Variants in KLHL2 observed in about 807,000 individuals in gnomAD.
KLHL2 encodes kelch like family member 2, also known as kelch-like protein 2.
KLHL2 carries 15 observed loss-of-function variants against 75.8 expected under a neutral mutation model. That is an observed-to-expected ratio of 0.20 (90% CI 0.13 to 0.30). The LOEUF is 0.30. KLHL2 is among the 10% of genes least tolerant of loss of function. The pLI is 1.00. For missense variants in KLHL2, 381 were observed against 741.0 expected (o/e 0.51, Z 5.64); for synonymous variants, 214 against 251.9 (o/e 0.85, Z 1.42).
At chr4:165,262,389 A>T (rs1408844782) in intron 4 of KLHL2, among the ~76,000 whole-genome samples, 1 of 152,214 alleles carries the variant, frequency 6.6e-6, no homozygotes, top group Non-Finnish European at 1.5e-5. Context: ...AGCAGTTGTT[A>T]TGATACTCAT....
At chr4:165,218,944 A>G (rs1334934942) in intron 1 of KLHL2, among the ~76,000 whole-genome samples, 1 of 152,216 alleles carries the variant, frequency 6.6e-6, no homozygotes, top group East Asian at 1.9e-4. Flanking sequence ...TATAATTTAC[A>G]TACCATAAAT....
At chr4:165,304,883 C>G (rs1479864163) in intron 8 of KLHL2, among the ~76,000 whole-genome samples, 1 of 152,170 alleles carries the variant, frequency 6.6e-6, no homozygotes, top group Non-Finnish European at 1.5e-5. Context: ...TAACACCTAA[C>G]ATAGTTCTGG....
At chr4:165,289,226 A>G (rs76377314) in intron 5 of KLHL2, among the ~76,000 whole-genome samples, 2,910 of 152,248 alleles carry the variant, frequency 0.019, 96 homozygotes, top group African/African-American at 0.064. Context: ...GCAGGCCCTA[A>G]AGTAAACTAA....
rs114599605 is a variant in KLHL2, at chr4:165,302,966, T to G, written c.922-2642T>G. Among the ~76,000 whole-genome samples, 1,273 of 152,310 alleles carry G rather than the reference T, an allele frequency of 8.4e-3. 20 individuals carry two copies. Among genetic ancestry groups the G allele is most frequent in the African/African-American group, 0.029 (1,192 of 41,568 alleles). On this transcript the variant is annotated intron_variant, in intron 8 of 14. Coordinates refer to ENST00000226725, the MANE Select transcript of KLHL2 (RefSeq NM_007246.4). ...ATTAGTATGGTGTTTCTCAAATACC[T>G]GTGTCTTTTACAGATAACTGGGATG...
rs549606292 is a variant in KLHL2, at chr4:165,213,312, T to G, written c.26+5410T>G. ...GTTTTAACCCTCCAACATCTTAGAG[T>G]CATGTGAAGTGACTTATCAAAACCA... On this transcript the variant is annotated intron_variant, in intron 1 of 14. Transcript: ENST00000226725. Among the ~76,000 whole-genome samples the G allele has an allele frequency of 4.6e-5, 7 of 152,304 alleles. No individual in the cohort carries two copies. The South Asian group carries it at 1.5e-3, about 32-fold the overall frequency.
chr4:165,307,149 A>G (rs1181398568), intron 9 of KLHL2, among the ~76,000 whole-genome samples: 1 of 152,120 alleles, frequency 6.6e-6, no homozygotes, highest in Non-Finnish European at 1.5e-5. Context: ...CTCTACTAAA[A>G]ATACAAAAGA....
chr4:165,279,132 G>A (rs751069445), intron 5 of KLHL2: 36 of 1,601,940 alleles, frequency 2.2e-5, no homozygotes, highest in Admixed American at 5.0e-5. Context: ...AAAAGAGCTC[G>A]TTTTTCTTCA....
chr4:165,289,321 C>G (rs1041670586), intron 5 of KLHL2, among the ~76,000 whole-genome samples: 1 of 151,956 alleles, frequency 6.6e-6, no homozygotes, highest in African/African-American at 2.4e-5. Flanking sequence ...AAAGAAAGCT[C>G]AGTATAAGAA....
intron 9 of KLHL2, among the ~76,000 whole-genome samples, chr4:165,306,676 T>A (rs1308605976): frequency 1.3e-5 from 2 of 151,918 alleles, no homozygotes; most frequent in Non-Finnish European, 2.9e-5. Flanking sequence ...TTTGTACTTA[T>A]GTAATTATGA....
rs1736922959 is a variant in KLHL2 at position 165,207,724 on chromosome 4, C to G, written c.-153C>G. On this transcript the variant is annotated 5_prime_UTR_variant, in exon 1 of 15. Coordinates refer to ENST00000226725, the MANE Select transcript of KLHL2 (RefSeq NM_007246.4). The surrounding 1 kb of genome is among the most constrained non-coding windows in gnomAD (Gnocchi z 4.2). ...CGGGCCATGGCCGCGGGGGCCGCCG[C>G]CGCAGGTGGTGGCGCGCGGTGAGGA... is the stretch of plus-strand genomic sequence containing the variant. The G allele has an allele frequency of 2.7e-6, 1 of 367,190 alleles. No individual in the cohort carries two copies. Among genetic ancestry groups the G allele is most frequent in the Non-Finnish European group, 4.2e-6 (1 of 238,792 alleles). 22.7% of individuals were successfully genotyped at this position (367,190 alleles called of 1,614,324 possible).
chr4:165,208,009 G>T (rs2110918117), intron 1 of KLHL2, 107 bp downstream of exon 1: 1 of 751,108 alleles, frequency 1.3e-6, no homozygotes. Context: ...GGGCCGGCGG[G>T]AGGTGGGAGA....
intron 7 of KLHL2, among the ~76,000 whole-genome samples, chr4:165,298,359 C>T (rs556632414): frequency 8.5e-5 from 13 of 152,060 alleles, no homozygotes; most frequent in African/African-American, 3.1e-4. Flanking sequence ...AATTTTACTT[C>T]GTAATTTAAT....
At chr4:165,210,749 C>T in intron 1 of KLHL2, among the ~76,000 whole-genome samples, 1 of 152,082 alleles carries the variant, frequency 6.6e-6, no homozygotes. Flanking sequence ...ATTGACCAGC[C>T]CTGACCTCAG....
chr4:165,320,994 CATT>C (rs1297130559), intron 14 of KLHL2, among the ~76,000 whole-genome samples: 2 of 152,172 alleles, frequency 1.3e-5, no homozygotes, highest in Non-Finnish European at 2.9e-5. Flanking sequence ...AACAAATTGA[CATT>C]AGACAGTCTG....
At chr4:165,262,563 C>T (rs780315614) in intron 4 of KLHL2, among the ~76,000 whole-genome samples, 10 of 151,980 alleles carry the variant, frequency 6.6e-5, no homozygotes, top group African/African-American at 1.2e-4. Flanking sequence ...TAATAATTTA[C>T]GGGCTTTTGT....
chr4:165,305,320 G>C (rs112785497), intron 8 of KLHL2, among the ~76,000 whole-genome samples: 1 of 133,688 alleles, frequency 7.5e-6, no homozygotes, highest in African/African-American at 2.9e-5. Flanking sequence ...TAATAACTGC[G>C]TGCTGTTTTT....
chr4:165,231,439 A>G (rs926767942), intron 3 of KLHL2, among the ~76,000 whole-genome samples: 3 of 150,884 alleles, frequency 2.0e-5, no homozygotes, highest in Admixed American at 1.3e-4. Context: ...ACAGAGTGAG[A>G]AAAAAAAAAT....
Position 165,273,045 on chromosome 4 carries a change from A to G in KLHL2, c.544+9686A>G, listed in dbSNP as rs530336746. 2.6e-4 allele frequency among the ~76,000 whole-genome samples: 39 copies of G among 152,310 alleles called. 2 individuals carry two copies. In the South Asian group the frequency reaches 4.6e-3, roughly 18 times the overall value. ...TCTTAGGTTTTAGGTAACATTTTAA[A>G]ACATCTTTCATTATGAAAAATTGCA... On this transcript the variant is annotated intron_variant, in intron 5 of 14. Transcript: ENST00000226725.
At chr4:165,246,899 G>T (rs1740307503) in intron 4 of KLHL2, among the ~76,000 whole-genome samples, 1 of 152,122 alleles carries the variant, frequency 6.6e-6, no homozygotes, top group South Asian at 2.1e-4. Context: ...AGTGTAGACA[G>T]AGAAAGCAAG....
Sources: gnomAD v4.1 joint callset for allele counts (sites outside exome capture counted in the v4.1 genomes callset) on GRCh38, gnomAD v4.1.1 for gene constraint, Gnocchi (gnomAD v3.1) non-coding constraint, MANE v1.5 for transcripts, NCBI Gene and HGNC (gene_info 2026-07-23, HGNC 2026-07-21) for gene names.